The following SHANK2 variants were observed in gnomAD, a reference collection of about 807,000 sequenced individuals.
SHANK2 encodes the protein SH3 and multiple ankyrin repeat domains 2, also known as SH3 and multiple ankyrin repeat domains protein 2.
In SHANK2, 43 loss-of-function variants were observed where a neutral mutation model predicts 133.7. The observed-to-expected ratio is 0.32, with a 90% CI of 0.25 to 0.41. The LOEUF (loss-of-function observed/expected upper bound fraction) is 0.41, where lower values mean the gene tolerates loss of function less well. Among genes scored for constraint, SHANK2 ranks in the 10% least tolerant of loss-of-function variants. The pLI is 1.00. For missense variants in SHANK2, 1,994 were observed against 2,235.8 expected (o/e 0.89, Z 2.18); for synonymous variants, 1,017 against 952.8 (o/e 1.07, Z -1.24).
rs1555158178 is a variant in SHANK2, at chr11:70,500,553, C to T, written c.2308+17G>A. 4 of 1,600,284 alleles carry T rather than the reference C, an allele frequency of 2.5e-6. No individual in the cohort carries two copies. Among genetic ancestry groups the T allele is most frequent in the Admixed American group, 1.7e-5 (1 of 58,174 alleles). Reference sequence around the variant, plus strand: ...GTGATGGGCAGGGGGCTGAGACAGACACTGGGCCTCCCTTACCCTTCTTCT... The same window carrying T: ...GTGATGGGCAGGGGGCTGAGACAGATACTGGGCCTCCCTTACCCTTCTTCT... On this transcript the variant is annotated intron_variant, in intron 21 of 25. Transcript: ENST00000601538. This position sits in a 1 kb window ranked among gnomAD's most constrained non-coding sequence, Gnocchi z 4.5.
intron 17 of SHANK2, among the ~76,000 whole-genome samples, chr11:70,514,222 C>T (rs144704315): frequency 3.0e-4 from 46 of 152,186 alleles, no homozygotes; most frequent in African/African-American, 1.0e-3. Flanking sequence ...TTGTAGAAGA[C>T]GGCGGAACAA....
chr11:71,236,482 T>C (rs2135789252), intron 1 of SHANK2, among the ~76,000 whole-genome samples: 1 of 152,290 alleles, frequency 6.6e-6, no homozygotes, highest in South Asian at 2.1e-4. Context: ...TGTGGTGGCA[T>C]GCACCTATAG....
chr11:70,735,058 A>G lies in SHANK2; in HGVS notation c.1778-36295T>C, dbSNP rs147017803. 5.9e-5 allele frequency among the ~76,000 whole-genome samples: 9 copies of G among 151,836 alleles called. No homozygotes were observed. In the East Asian group the frequency reaches 1.8e-3, roughly 30 times the overall value. Reference sequence around the variant, plus strand: ...GTGTCTGGGCTCAGGGGCGAAGGGGACCCCTCCATCGCGGGGTCAGTGTGG... The same window carrying G: ...GTGTCTGGGCTCAGGGGCGAAGGGGGCCCCTCCATCGCGGGGTCAGTGTGG... On this transcript the variant is annotated intron_variant, in intron 14 of 25. Transcript: ENST00000601538.
At chr11:71,093,055 G>GC (rs1555094478) in intron 7 of SHANK2, among the ~76,000 whole-genome samples, 6 of 144,584 alleles carry the variant, frequency 4.1e-5, no homozygotes, top group Non-Finnish European at 6.1e-5. Flanking sequence ...AAATAAAGGG[G>GC]GGGGGGGGCA....
At chr11:70,543,457 A>G (rs1270496073) in intron 17 of SHANK2, among the ~76,000 whole-genome samples, 1 of 152,186 alleles carries the variant, frequency 6.6e-6, no homozygotes, top group Non-Finnish European at 1.5e-5. Flanking sequence ...CCAATGGCCA[A>G]TGATTGAATC....
chr11:70,472,640 C>T lies in SHANK2; in HGVS notation c.*229G>A. 3.4e-6 allele frequency: 2 copies of T among 580,186 alleles called. No homozygotes were observed. The highest frequency in any genetic ancestry group is 2.0e-5 in the South Asian group (1 of 49,452). 35.9% of individuals were successfully genotyped at this position (580,186 alleles called of 1,614,324 possible). A position where few individuals can be genotyped will look rare whatever the true frequency, so the allele number is the denominator to read the frequency against. ...TTTTTCCATGTTAGAAAAACTCCCTCCCCTTGTCCCATGTGTGATAGAAAC... is the reference window on the plus strand; with the variant it reads ...TTTTTCCATGTTAGAAAAACTCCCTTCCCTTGTCCCATGTGTGATAGAAAC... On this transcript the variant is annotated 3_prime_UTR_variant, in exon 26 of 26. Coordinates refer to ENST00000601538, the MANE Select transcript of SHANK2 (RefSeq NM_012309.5). This position sits in a 1 kb window ranked among gnomAD's most constrained non-coding sequence, Gnocchi z 4.4.
At chr11:71,069,004 C>T (rs970957773) in intron 9 of SHANK2, among the ~76,000 whole-genome samples, 7 of 148,792 alleles carry the variant, frequency 4.7e-5, no homozygotes, top group African/African-American at 1.7e-4. Context: ...CTATCAACCA[C>T]TACCATCATC....
intron 3 of SHANK2, among the ~76,000 whole-genome samples, chr11:71,126,725 C>CTTTT (rs200961805): frequency 0.032 from 4,164 of 130,092 alleles, 238 homozygotes; most frequent in African/African-American, 0.11. Flanking sequence ...TCATAAACGA[C>CTTTT]TTTTTTTTTT....
At chr11:70,629,999 AC>A (rs2060960536) in intron 17 of SHANK2, among the ~76,000 whole-genome samples, 1 of 152,146 alleles carries the variant, frequency 6.6e-6, no homozygotes, top group Admixed American at 6.5e-5. Flanking sequence ...TATCAATGAG[AC>A]AGGAGAGGAC....
At chr11:70,719,217 C>G (rs1555028322) in intron 14 of SHANK2, among the ~76,000 whole-genome samples, 1 of 152,174 alleles carries the variant, frequency 6.6e-6, no homozygotes, top group Non-Finnish European at 1.5e-5. Flanking sequence ...GGAATAGACA[C>G]TTTGTGACGG....
chr11:71,126,830 C>T (rs1272381256), intron 3 of SHANK2, among the ~76,000 whole-genome samples: 2 of 151,432 alleles, frequency 1.3e-5, no homozygotes, highest in African/African-American at 4.9e-5. Flanking sequence ...ACCTCAGCCT[C>T]CTGAGTGGCT....
Position 71,094,701 on chromosome 11 carries a change from A to G in SHANK2, c.593-13T>C. 6.4e-7 allele frequency: 1 copy of G among 1,551,062 alleles called. No homozygotes were observed. Among genetic ancestry groups the G allele is most frequent in the East Asian group, 2.4e-5 (1 of 40,894 alleles). ...GTCAGGGGGGTCTCTGAGGAACCCA[A>G]ACACACACACTTTAGAACCAACATT... On this transcript the variant is annotated splice_polypyrimidine_tract_variant and intron_variant, in intron 6 of 25. Coordinates refer to ENST00000601538, the MANE Select transcript of SHANK2 (RefSeq NM_012309.5).
chr11:70,698,588 G>A (rs868985085), intron 15 of SHANK2, 100 bp downstream of exon 15: 18 of 710,046 alleles, frequency 2.5e-5, no homozygotes, highest in Non-Finnish European at 3.7e-5. Flanking sequence ...AGGCAGACAC[G>A]AGGGGCCTGA....
chr11:71,216,958 A>G (rs1276849266), intron 2 of SHANK2, among the ~76,000 whole-genome samples: 2 of 152,126 alleles, frequency 1.3e-5, no homozygotes, highest in African/African-American at 4.8e-5. Flanking sequence ...GCACTTTGGG[A>G]GGCTGAGGTG....
chr11:70,861,249 C>T (rs1308093679), intron 11 of SHANK2, among the ~76,000 whole-genome samples: 1 of 152,210 alleles, frequency 6.6e-6, no homozygotes, highest in Non-Finnish European at 1.5e-5. Context: ...ATAAATGAGT[C>T]CCACACCTAG....
chr11:71,085,720 TTATATAAAATATAA>T (rs1590894569), intron 8 of SHANK2, among the ~76,000 whole-genome samples: 2 of 65,546 alleles, frequency 3.1e-5, no homozygotes, highest in East Asian at 5.4e-4. Flanking sequence ...ATATATTATA[TTATATAAAATATAA>T]TATATTATAT....
At chr11:70,910,743 G>A (rs1950178651) in intron 10 of SHANK2, among the ~76,000 whole-genome samples, 1 of 151,916 alleles carries the variant, frequency 6.6e-6, no homozygotes, top group Non-Finnish European at 1.5e-5. Flanking sequence ...GGAGGCAGAG[G>A]TTGCAGTGAG....
Position 70,479,037 on chromosome 11 carries a change from CTTGAGAT to C in SHANK2, c.4980-5605_4980-5599del, listed in dbSNP as rs1233296162. ...TCCAAAATGGGGAGGAAGATTCTGA[CTTGAGAT>C]TTGCCTGTTGATGGGCAAGGACGAG... On this transcript the variant is annotated intron_variant, in intron 25 of 25. Coordinates refer to ENST00000601538, the MANE Select transcript of SHANK2 (RefSeq NM_012309.5). This position sits in a 1 kb window ranked among gnomAD's most constrained non-coding sequence, Gnocchi z 4.4. Among the ~76,000 whole-genome samples, 1 of 152,226 alleles carries C rather than the reference CTTGAGAT, an allele frequency of 6.6e-6. No homozygotes were observed. Among genetic ancestry groups the C allele is most frequent in the East Asian group, 1.9e-4 (1 of 5,198 alleles).
intron 11 of SHANK2, among the ~76,000 whole-genome samples, chr11:70,859,819 A>G (rs368846601): frequency 9.5e-4 from 145 of 152,236 alleles, no homozygotes; most frequent in Admixed American, 1.9e-3. Flanking sequence ...GAGATGCACT[A>G]AGCCCTCTTT....
Sources: allele counts gnomAD v4.1 joint callset (sites outside exome capture counted in the v4.1 genomes callset), GRCh38; gene constraint gnomAD v4.1.1; non-coding constraint Gnocchi (gnomAD v3.1); transcripts MANE v1.5; gene names NCBI Gene and HGNC (gene_info 2026-07-23, HGNC 2026-07-21).